Variants in BBOF1 observed in about 807,000 individuals in gnomAD.
The protein encoded by BBOF1 is basal body-orientation factor 1.
Under a neutral mutation model 68.0 loss-of-function variants are expected in BBOF1, and 62 were observed. That is an observed-to-expected ratio of 0.91 (90% CI 0.74 to 1.13). BBOF1 has a LOEUF of 1.13. Among genes scored for constraint, BBOF1 ranks in the 50% most tolerant of loss-of-function variants. The pLI is 0.00. For missense variants in BBOF1, 534 were observed against 600.1 expected, an observed-to-expected ratio of 0.89 and a Z score of 1.15; for synonymous variants, 208 against 198.8, an observed-to-expected ratio of 1.05 and a Z score of -0.39.
chr14:74,064,961 G>A lies in BBOF1; in HGVS notation c.*262G>A. On this transcript the variant is annotated 3_prime_UTR_variant, in exon 12 of 12. Coordinates refer to ENST00000394009, the MANE Select transcript of BBOF1 (RefSeq NM_025057.3). ...TCCGTGTCATATCCTAAGGACAAAG[G>A]AACTCTCCATTTAGAAACACAAAGG... The A allele has an allele frequency of 6.4e-7, 1 of 1,572,828 alleles. No homozygotes were observed.
chr14:74,055,154 C>CT (rs760275836), intron 8 of BBOF1: 2,352 of 149,308 alleles, frequency 0.016, 34 homozygotes, highest in African/African-American at 0.034. Context: ...TTTTTTCTTT[C>CT]TTTTTTTTTT....
In BBOF1 at chr14:74,056,893, T is replaced by C. The variant is rs1402977033; in HGVS notation, c.1389-13T>C. Reference sequence around the variant, plus strand: ...CCTCATTCATTATCTTTGTTGACTTTTACCCACTACAGGAAATACAACCAG... The same window carrying C: ...CCTCATTCATTATCTTTGTTGACTTCTACCCACTACAGGAAATACAACCAG... On this transcript the variant is annotated splice_polypyrimidine_tract_variant and intron_variant, in intron 9 of 11. Transcript: ENST00000394009. The C allele has an allele frequency of 6.3e-7, 1 of 1,597,166 alleles. No individual in the cohort carries two copies. The highest frequency in any genetic ancestry group is 2.2e-5 in the East Asian group (1 of 44,778).
exon 10 of BBOF1, chr14:74,078,269 T>C (rs1412828736): frequency 2.2e-6 from 1 of 455,734 alleles, no homozygotes; most frequent in East Asian, 7.0e-5. Context: ...CTCAACCTAA[T>C]GGAGAAGGTA....
intron 3 of BBOF1, among the ~76,000 whole-genome samples, chr14:74,030,686 G>A (rs763074013): frequency 1.3e-4 from 19 of 151,748 alleles, no homozygotes; most frequent in African/African-American, 3.6e-4. Flanking sequence ...TAGTAGAGAC[G>A]GGATTTCACT....
intron 1 of BBOF1, among the ~76,000 whole-genome samples, chr14:74,021,716 G>A (rs1461117372): frequency 6.6e-5 from 10 of 151,994 alleles, no homozygotes; most frequent in Admixed American, 6.6e-4. Flanking sequence ...CACCATCCTG[G>A]CTAACACGGT....
At chr14:74,066,597 G>T (rs1595117752), downstream of BBOF1, 1 of 1,144,470 alleles carries the variant, frequency 8.7e-7, no homozygotes, top group Non-Finnish European at 1.3e-6. Context: ...CCTGGCAAGA[G>T]ATAAGGTCTT....
rs896675915 is a variant in BBOF1, at chr14:74,019,461, G to T, written c.-18G>T. 3 of 1,599,568 alleles carry T rather than the reference G, an allele frequency of 1.9e-6. No individual in the cohort carries two copies. Among genetic ancestry groups the T allele is most frequent in the Non-Finnish European group, 2.6e-6 (3 of 1,173,268 alleles). Reference sequence around the variant, plus strand: ...GCGGCTGGGCAACTACGACAGCGGAGCCCCTGGGGAAGCCAAGATGCCGTC... The same window carrying T: ...GCGGCTGGGCAACTACGACAGCGGATCCCCTGGGGAAGCCAAGATGCCGTC... On this transcript the variant is annotated 5_prime_UTR_variant, in exon 1 of 12. Transcript: ENST00000394009.
intron 9 of BBOF1, chr14:74,078,060 A>G (rs1298271645): frequency 2.6e-6 from 1 of 380,164 alleles, no homozygotes; most frequent in African/African-American, 2.1e-5. Context: ...GAACATAACG[A>G]GACTCCATTT....
chr14:74,022,138 C>T (rs1314783425), intron 1 of BBOF1, among the ~76,000 whole-genome samples: 1 of 151,920 alleles, frequency 6.6e-6, no homozygotes, highest in African/African-American at 2.4e-5. Context: ...CGTTGAGAGG[C>T]CAAGGTGGGA....
In BBOF1 at chr14:74,033,227, A is replaced by G. The variant is rs79132251; in HGVS notation, c.352-801A>G. Among the ~76,000 whole-genome samples, 261 of 152,062 alleles carry G rather than the reference A, an allele frequency of 1.7e-3. 5 individuals carry two copies. In the East Asian group the frequency reaches 0.046, roughly 27 times the overall value. ...GAAACTTTTCCAAAATTTTTTTCTT[A>G]TTCAATGCAGATGGTATCTTTTTAC... On this transcript the variant is annotated intron_variant, in intron 3 of 11. Coordinates refer to ENST00000394009, the MANE Select transcript of BBOF1 (RefSeq NM_025057.3).
chr14:74,056,374 T>C (rs2060205398), intron 9 of BBOF1, among the ~76,000 whole-genome samples: 1 of 151,864 alleles, frequency 6.6e-6, no homozygotes. Flanking sequence ...AATTTTTGTA[T>C]TTTTTTGTAG....
chr14:74,040,325 CTGAAACTGCAAAAAG>C (rs2059804193), intron 4 of BBOF1, among the ~76,000 whole-genome samples: 1 of 152,174 alleles, frequency 6.6e-6, no homozygotes, highest in African/African-American at 2.4e-5. Flanking sequence ...CTGCAGTTAT[CTGAAACTGCAAAAAG>C]TGAAACTGCA....
intron 8 of BBOF1, among the ~76,000 whole-genome samples, chr14:74,052,587 G>T (rs1007920815): frequency 2.0e-5 from 3 of 152,016 alleles, no homozygotes; most frequent in African/African-American, 7.3e-5. Flanking sequence ...AGAGGTTGCA[G>T]TGAGCCAAGA....
In BBOF1 at chr14:74,042,037, A is replaced by AAAC. The variant is rs147407110; in HGVS notation, c.576+1413_576+1415dup. ...GGGTGATAAAGTGAGACTCTGTCTC[A>AAAC]AACAACAACAACAACAACAACAAAA... On this transcript the variant is annotated intron_variant, in intron 5 of 11. Transcript: ENST00000394009. 3.4e-3 allele frequency among the ~76,000 whole-genome samples: 518 copies of AAAC among 151,948 alleles called. 7 individuals carry two copies. The highest frequency in any genetic ancestry group is 1.7e-3 in the South Asian group (8 of 4,806).
chr14:74,067,186 C>T (rs2060480194), downstream of BBOF1, among the ~76,000 whole-genome samples: 1 of 152,120 alleles, frequency 6.6e-6, no homozygotes, highest in Non-Finnish European at 1.5e-5. Context: ...TGCACTCCAG[C>T]TTGGGTAACA....
chr14:74,041,050 G>A (rs952886345), intron 5 of BBOF1, among the ~76,000 whole-genome samples: 3 of 152,222 alleles, frequency 2.0e-5, no homozygotes, highest in African/African-American at 7.2e-5. Context: ...GGGCACGGTG[G>A]CTCACGCCTG....
At chr14:74,066,743 C>T, downstream of BBOF1, 1 of 1,614,044 alleles carries the variant, frequency 6.2e-7, no homozygotes, top group Non-Finnish European at 8.5e-7. Context: ...ACAAAGTTGC[C>T]ATTTTCATAG....
intron 8 of BBOF1, among the ~76,000 whole-genome samples, chr14:74,052,867 G>T (rs574400398): frequency 1.3e-5 from 2 of 151,348 alleles, no homozygotes; most frequent in African/African-American, 4.8e-5. Flanking sequence ...TGGCATGATG[G>T]TGTGCATCTG....
At chr14:74,078,329 A>G in exon 10 of BBOF1, 1 of 449,682 alleles carries the variant, frequency 2.2e-6, no homozygotes, top group Non-Finnish European at 4.4e-6. Context: ...GTGCACGATC[A>G]ATATATGTGG....
Sources: gnomAD v4.1 joint callset for allele counts (sites outside exome capture counted in the v4.1 genomes callset) on GRCh38, gnomAD v4.1.1 for gene constraint, MANE v1.5 for transcripts, NCBI Gene and HGNC (gene_info 2026-07-23, HGNC 2026-07-21) for gene names.